The following TMC1 variants were observed in gnomAD, a reference collection of about 807,000 sequenced individuals.
TMC1 encodes transmembrane channel like 1, also known as transmembrane channel-like protein 1.
TMC1 carries 84 observed loss-of-function variants against 105.8 expected under a neutral mutation model. That is an observed-to-expected ratio of 0.79 (90% CI 0.67 to 0.95). The LOEUF is 0.95. TMC1 is among the 40% of genes least tolerant of loss of function. The pLI is 0.00. For missense variants in TMC1, 817 were observed against 914.1 expected, an observed-to-expected ratio of 0.89 and a Z score of 1.37; for synonymous variants, 315 against 311.5, an observed-to-expected ratio of 1.01 and a Z score of -0.12.
intron 8 of TMC1, among the ~76,000 whole-genome samples, chr9:72,730,191 GA>G (rs1827186896): frequency 6.6e-6 from 1 of 152,214 alleles, no homozygotes. Flanking sequence ...CTTCTAGACA[GA>G]AAGGTAGAGA....
chr9:72,785,172 C>A (rs13285263), intron 13 of TMC1, among the ~76,000 whole-genome samples: 10,664 of 152,178 alleles, frequency 0.07, 439 homozygotes, highest in African/African-American at 0.11. Context: ...ACCCTCTTGT[C>A]TTCAGGGGAT....
At chr9:72,679,135 A>G (rs1241531971) in intron 5 of TMC1, among the ~76,000 whole-genome samples, 3 of 152,124 alleles carry the variant, frequency 2.0e-5, no homozygotes, top group Non-Finnish European at 4.4e-5. Flanking sequence ...ATTCATAAGC[A>G]TACTTATGAC....
intron 2 of TMC1, among the ~76,000 whole-genome samples, chr9:72,594,998 T>C (rs1295879083): frequency 2.0e-5 from 3 of 151,974 alleles, no homozygotes; most frequent in Non-Finnish European, 4.4e-5. Flanking sequence ...TCCGAGTAGG[T>C]GGTACTAGAG....
intron 9 of TMC1, 60 bp downstream of exon 9, chr9:72,740,269 CTT>C: frequency 6.8e-7 from 1 of 1,468,920 alleles, no homozygotes; most frequent in Non-Finnish European, 9.5e-7. Flanking sequence ...AACACTGGTT[CTT>C]TTCTAAAGGG....
chr9:72,627,580 A>G (rs1230533117), intron 3 of TMC1, among the ~76,000 whole-genome samples: 1 of 152,198 alleles, frequency 6.6e-6, no homozygotes, highest in African/African-American at 2.4e-5. Context: ...CATTATGACA[A>G]GGATGGGCGC....
intron 8 of TMC1, among the ~76,000 whole-genome samples, chr9:72,733,401 A>C (rs1324562008): frequency 6.6e-6 from 1 of 151,908 alleles, no homozygotes; most frequent in Non-Finnish European, 1.5e-5. Context: ...ATGCTCACTT[A>C]CTAACAAGAA....
chr9:72,785,827 A>G (rs954674707), intron 13 of TMC1, among the ~76,000 whole-genome samples: 1 of 152,226 alleles, frequency 6.6e-6, no homozygotes, highest in Non-Finnish European at 1.5e-5. Context: ...GGAACCATGA[A>G]TTGATCACAA....
intron 2 of TMC1, among the ~76,000 whole-genome samples, chr9:72,603,849 T>TTG (rs1491372288): frequency 2.8e-5 from 1 of 36,300 alleles, no homozygotes; most frequent in Non-Finnish European, 4.9e-5. Flanking sequence ...CGACCGGCTG[T>TTG]TTTTTTTTTT....
At chr9:72,636,048 A>G (rs1022145962) in intron 4 of TMC1, among the ~76,000 whole-genome samples, 2 of 152,172 alleles carry the variant, frequency 1.3e-5, no homozygotes, top group African/African-American at 4.8e-5. Flanking sequence ...GTGATCTCCC[A>G]TTCTTTTTGT....
At chr9:72,776,864 TCA>T (rs1828014392) in intron 13 of TMC1, among the ~76,000 whole-genome samples, 3 of 151,904 alleles carry the variant, frequency 2.0e-5, no homozygotes, top group Non-Finnish European at 2.9e-5. Context: ...ATGATAACAA[TCA>T]TCAATATAGA....
intron 2 of TMC1, among the ~76,000 whole-genome samples, chr9:72,614,690 T>C (rs1312738835): frequency 6.6e-6 from 1 of 152,164 alleles, no homozygotes; most frequent in Non-Finnish European, 1.5e-5. Context: ...AACTTTTTCT[T>C]CCCCCTTGGA....
chr9:72,825,901 T>A (rs1828944890), intron 20 of TMC1, among the ~76,000 whole-genome samples: 1 of 152,024 alleles, frequency 6.6e-6, no homozygotes. Context: ...ACAAAATATA[T>A]GGAGTCACTA....
Position 72,532,154 on chromosome 9 carries a change from C to T in TMC1, c.-428+10241C>T, listed in dbSNP as rs182035219. On this transcript the variant is annotated intron_variant, in intron 1 of 23. Coordinates refer to ENST00000297784, the MANE Select transcript of TMC1 (RefSeq NM_138691.3). ...CCATGTTGGCCAGGCTGATCTTGAA[C>T]TCCTAACCTCAGGTTATCTGCCTGC... 4.2e-3 allele frequency among the ~76,000 whole-genome samples: 636 copies of T among 151,968 alleles called. 7 individuals carry two copies. Among genetic ancestry groups the T allele is most frequent in the African/African-American group, 0.015 (615 of 41,504 alleles).
At chr9:72,817,217 A>C (rs558715089) in intron 19 of TMC1, 1 of 152,278 alleles carries the variant, frequency 6.6e-6, no homozygotes, top group East Asian at 1.9e-4. Context: ...GATGACTGTT[A>C]AATTCCTGTG....
At chr9:72,662,394 A>G (rs1006561421) in intron 5 of TMC1, among the ~76,000 whole-genome samples, 3 of 147,168 alleles carry the variant, frequency 2.0e-5, no homozygotes, top group Non-Finnish European at 4.5e-5. Context: ...GCAGGGTTTC[A>G]CCATGTTGGC....
In TMC1 at chr9:72,700,661, A is replaced by G. The variant is rs1362889327; in HGVS notation, c.362+18A>G. 10 of 1,562,730 alleles carry G rather than the reference A, an allele frequency of 6.4e-6. No homozygotes were observed. The highest frequency in any genetic ancestry group is 8.7e-6 in the Non-Finnish European group (10 of 1,146,980). Reference sequence around the variant, plus strand: ...GTTCTCAAGTATGGTGCCACTTTTTATAAGTAGAAACACTTTCCCTGATAT... The same window carrying G: ...GTTCTCAAGTATGGTGCCACTTTTTGTAAGTAGAAACACTTTCCCTGATAT... On this transcript the variant is annotated intron_variant, in intron 8 of 23. Coordinates refer to ENST00000297784, the MANE Select transcript of TMC1 (RefSeq NM_138691.3).
intron 12 of TMC1, among the ~76,000 whole-genome samples, chr9:72,757,503 A>G (rs919732881): frequency 1.3e-5 from 2 of 152,200 alleles, no homozygotes; most frequent in African/African-American, 4.8e-5. Flanking sequence ...TCATATTTCA[A>G]ATTTTTTCAG....
intron 20 of TMC1, 131 bp downstream of exon 20, chr9:72,821,212 G>T: frequency 5.6e-6 from 8 of 1,416,180 alleles, no homozygotes; most frequent in Admixed American, 1.7e-5. Flanking sequence ...ATGAGATCCC[G>T]GCTGGGCGCA....
chr9:72,699,416 T>A (rs190566584), intron 7 of TMC1, among the ~76,000 whole-genome samples: 49 of 152,304 alleles, frequency 3.2e-4, no homozygotes, highest in Admixed American at 2.2e-3. Context: ...AAATAGATTT[T>A]TATTTTTCCC....
Sources: allele counts gnomAD v4.1 joint callset (sites outside exome capture counted in the v4.1 genomes callset), GRCh38; gene constraint gnomAD v4.1.1; transcripts MANE v1.5; gene names NCBI Gene and HGNC (gene_info 2026-07-23, HGNC 2026-07-21).